The following ANTXR1 variants were observed in gnomAD, a reference collection of about 807,000 sequenced individuals.
The protein encoded by ANTXR1 is ANTXR cell adhesion molecule 1.
ANTXR1 carries 19 observed loss-of-function variants against 78.1 expected under a neutral mutation model. The observed-to-expected ratio is 0.24, with a 90% CI of 0.17 to 0.36. The LOEUF (loss-of-function observed/expected upper bound fraction) is 0.36, where lower values mean the gene tolerates loss of function less well. Among genes scored for constraint, ANTXR1 ranks in the 10% least tolerant of loss-of-function variants. ANTXR1 has a pLI of 1.00. For synonymous variants in ANTXR1, 273 were observed against 260.5 expected (o/e 1.05, Z -0.46); for missense variants, 518 against 718.6 (o/e 0.72, Z 3.19).
At chr2:69,022,886 A>G (rs1209954951) in intron 1 of ANTXR1, among the ~76,000 whole-genome samples, 4 of 152,208 alleles carry the variant, frequency 2.6e-5, no homozygotes, top group African/African-American at 9.6e-5. Flanking sequence ...AGAAGAGCAA[A>G]GGTCACTGAG....
At chr2:69,159,910 G>C (rs973687002) in intron 13 of ANTXR1, among the ~76,000 whole-genome samples, 10 of 152,124 alleles carry the variant, frequency 6.6e-5, no homozygotes, top group Non-Finnish European at 1.5e-4. Flanking sequence ...ACCTTAAGTG[G>C]AAATAAAAAT....
chr2:69,186,267 CA>C (rs1377508274), intron 16 of ANTXR1, among the ~76,000 whole-genome samples: 2 of 152,186 alleles, frequency 1.3e-5, no homozygotes, highest in African/African-American at 4.8e-5. Context: ...GATAGAAGCA[CA>C]GGAAGAAATT....
intron 4 of ANTXR1, 88 bp from the exon 5 acceptor site, chr2:69,071,666 A>G: frequency 2.3e-6 from 3 of 1,331,466 alleles, no homozygotes; most frequent in Non-Finnish European, 2.2e-6. Flanking sequence ...TTGGCTGCAT[A>G]TTCAACAACA....
At chr2:69,039,731 A>T (rs1356267748) in intron 1 of ANTXR1, among the ~76,000 whole-genome samples, 1 of 152,086 alleles carries the variant, frequency 6.6e-6, no homozygotes, top group South Asian at 2.1e-4. Flanking sequence ...TGTTTCTCGA[A>T]GACGCAAAAC....
chr2:69,054,787 G>T (rs2104133598), intron 3 of ANTXR1, among the ~76,000 whole-genome samples: 1 of 152,312 alleles, frequency 6.6e-6, no homozygotes, highest in Admixed American at 6.5e-5. Context: ...AAGCAACAAG[G>T]AGAAAGAGTC....
intron 17 of ANTXR1, among the ~76,000 whole-genome samples, chr2:69,235,708 C>G (rs1675744838): frequency 6.9e-6 from 1 of 143,898 alleles, no homozygotes. Flanking sequence ...ATTGGCTACC[C>G]ACATAAACTT....
At chr2:69,193,464 T>TACAC (rs70954338) in intron 17 of ANTXR1, 49 bp downstream of exon 17, 136 of 1,074,152 alleles carry the variant, frequency 1.3e-4, no homozygotes, top group Admixed American at 5.6e-4. Context: ...CTCTCTCACA[T>TACAC]ACACACACAC....
At chr2:69,016,872 C>T (rs1193551799) in intron 1 of ANTXR1, among the ~76,000 whole-genome samples, 1 of 152,094 alleles carries the variant, frequency 6.6e-6, no homozygotes, top group African/African-American at 2.4e-5. Context: ...CTTCCAAGCC[C>T]CTTGCTGTTG....
chr2:69,044,904 G>C (rs1669717980), intron 3 of ANTXR1, 91 bp downstream of exon 3: 2 of 1,299,992 alleles, frequency 1.5e-6, no homozygotes, highest in Admixed American at 1.7e-5. Context: ...TTGACCTGTT[G>C]ATCACTTTAA....
intron 7 of ANTXR1, among the ~76,000 whole-genome samples, chr2:69,076,777 AT>A (rs1314766633): frequency 2.0e-5 from 3 of 152,188 alleles, no homozygotes; most frequent in East Asian, 3.9e-4. Context: ...AATAAAACAT[AT>A]TTTTTTAGAA....
chr2:69,119,692 T>C (rs1055132779), intron 10 of ANTXR1, among the ~76,000 whole-genome samples: 1 of 114,750 alleles, frequency 8.7e-6, no homozygotes, highest in East Asian at 2.0e-4. Flanking sequence ...CACGAGGTTG[T>C]CATTACAAGG....
chr2:69,025,623 A>G (rs1250852002), intron 1 of ANTXR1, among the ~76,000 whole-genome samples: 1 of 150,366 alleles, frequency 6.7e-6, no homozygotes, highest in African/African-American at 2.5e-5. Context: ...TAAGAATTCT[A>G]TAGCAAATAA....
At chr2:69,117,924 A>C (rs12618656) in intron 10 of ANTXR1, among the ~76,000 whole-genome samples, 8,853 of 152,180 alleles carry the variant, frequency 0.058, 319 homozygotes, top group African/African-American at 0.094. Flanking sequence ...CTAGCTCCCA[A>C]GTCTGGGGCG....
intron 8 of ANTXR1, among the ~76,000 whole-genome samples, chr2:69,085,693 C>G (rs1671029178): frequency 8.0e-6 from 1 of 124,718 alleles, no homozygotes; most frequent in Non-Finnish European, 1.6e-5. Context: ...TCTAAGAAGA[C>G]AGTGACCAAA....
chr2:69,025,922 C>G (rs1368727463), intron 1 of ANTXR1, among the ~76,000 whole-genome samples: 1 of 152,136 alleles, frequency 6.6e-6, no homozygotes, highest in Non-Finnish European at 1.5e-5. Context: ...AAGACAATAT[C>G]AAAAGGAAAG....
intron 9 of ANTXR1, among the ~76,000 whole-genome samples, chr2:69,091,886 T>C (rs1481956395): frequency 1.3e-5 from 2 of 152,234 alleles, no homozygotes; most frequent in African/African-American, 4.8e-5. Flanking sequence ...TCATATTTAA[T>C]GGACTGCTTA....
chr2:69,145,296 A>G (rs748891352), intron 12 of ANTXR1: 1 of 1,564,346 alleles, frequency 6.4e-7, no homozygotes. Context: ...ATAATTTTGC[A>G]TTTGTATTTT....
intron 13 of ANTXR1, among the ~76,000 whole-genome samples, chr2:69,166,374 A>T (rs1301841246): frequency 6.6e-6 from 1 of 152,202 alleles, no homozygotes; most frequent in Non-Finnish European, 1.5e-5. Context: ...ATTCTCAGGT[A>T]TCAGAGAAAT....
At chr2:69,124,732 C>T (rs1672472865) in intron 12 of ANTXR1, 89 bp downstream of exon 12, 1 of 1,481,518 alleles carries the variant, frequency 6.7e-7, no homozygotes, top group Non-Finnish European at 9.4e-7. Flanking sequence ...CAAAGGTACC[C>T]TGGAAAGTTT....
Sources: allele counts gnomAD v4.1 joint callset (sites outside exome capture counted in the v4.1 genomes callset), GRCh38; gene constraint gnomAD v4.1.1; transcripts MANE v1.5; gene names NCBI Gene and HGNC (gene_info 2026-07-23, HGNC 2026-07-21).